Variants in CD36 observed in about 807,000 individuals in gnomAD.
CD36 encodes the protein CD36 molecule (CD36 blood group), also known as platelet glycoprotein 4.
CD36 carries 119 observed loss-of-function variants against 55.2 expected under a neutral mutation model. The ratio of observed to expected loss-of-function variants is 2.15; its 90% confidence interval spans 1.86 to 2.51. CD36 has a LOEUF of 2.51. Ranked by LOEUF, CD36 falls within the 30% of genes most tolerant of loss-of-function variation. CD36 has a pLI of 0.00. For synonymous variants in CD36, 186 were observed against 193.6 expected (o/e 0.96, Z 0.33); for missense variants, 819 against 555.5 (o/e 1.47, Z -4.77).
At chr7:80,623,573 C>T (rs1328635112) in intron 1 of CD36, among the ~76,000 whole-genome samples, 1 of 151,740 alleles carries the variant, frequency 6.6e-6, no homozygotes, top group Non-Finnish European at 1.5e-5. Context: ...ATATTGTACC[C>T]ATCAAATATT....
At chr7:80,654,441 G>A (rs1470241859) in intron 3 of CD36, among the ~76,000 whole-genome samples, 1 of 152,122 alleles carries the variant, frequency 6.6e-6, no homozygotes, top group Non-Finnish European at 1.5e-5. Context: ...ATAGTGTGAG[G>A]AGAATAATGT....
At position 80,667,751 on chromosome 7, in the gene CD36, T is replaced by TTTTTG. The variant is rs1554344756; in HGVS notation, c.748+1266_748+1267insGTTTT. Among the ~76,000 whole-genome samples the TTTTTG allele has an allele frequency of 4.3e-3, 475 of 109,354 alleles. 19 individuals carry two copies. In the East Asian group the frequency reaches 0.09, roughly 21 times the overall value. 71.7% of individuals were successfully genotyped at this position (109,354 alleles called of 152,430 possible). The stretch of plus-strand genomic sequence containing the variant: ...GATTTGCAGGGGTTTTCTTTTGTTT[T>TTTTTG]TTTTTTTTTTTTTTTTTGAGACATA... On this transcript the variant is annotated intron_variant, in intron 8 of 14. Transcript: ENST00000447544.
chr7:80,621,151 C>T (rs1793449018), intron 1 of CD36, among the ~76,000 whole-genome samples: 1 of 151,704 alleles, frequency 6.6e-6, no homozygotes. Context: ...TAATTGTTAG[C>T]TTTTTTTTAG....
intron 7 of CD36, among the ~76,000 whole-genome samples, chr7:80,665,274 C>CTAAT (rs959988008): frequency 6.6e-6 from 1 of 151,438 alleles, no homozygotes; most frequent in African/African-American, 2.4e-5. Context: ...AGGAAGAACC[C>CTAAT]TAATAAATAT....
At chr7:80,654,152 T>A (rs1795834242) in intron 3 of CD36, among the ~76,000 whole-genome samples, 1 of 152,142 alleles carries the variant, frequency 6.6e-6, no homozygotes. Context: ...GAAAAAAAGG[T>A]CTCATACACG....
chr7:80,661,889 C>G (rs1796560167), intron 5 of CD36, among the ~76,000 whole-genome samples: 1 of 152,140 alleles, frequency 6.6e-6, no homozygotes, highest in South Asian at 2.1e-4. Context: ...ACTGAATAAA[C>G]AAAACTCTGC....
intron 3 of CD36, among the ~76,000 whole-genome samples, chr7:80,653,991 C>T (rs757781855): frequency 2.0e-4 from 30 of 152,104 alleles, no homozygotes; most frequent in Non-Finnish European, 4.3e-4. Context: ...TCTCTAGAAC[C>T]CATTTTCCAC....
intron 1 of CD36, among the ~76,000 whole-genome samples, chr7:80,613,980 A>G (rs567003469): frequency 2.0e-3 from 311 of 152,266 alleles, no homozygotes; most frequent in Non-Finnish European, 3.0e-3. Flanking sequence ...ACAGATAAAC[A>G]TTTATTATTT....
At position 80,665,369 on chromosome 7, in the gene CD36, C is replaced by T. The variant is rs989495374; in HGVS notation, c.701+872C>T. Among the ~76,000 whole-genome samples the T allele has an allele frequency of 4.3e-5, 5 of 116,440 alleles. No homozygotes were observed. In the East Asian group the frequency reaches 9.7e-4, roughly 23 times the overall value. 76.4% of individuals were successfully genotyped at this position (116,440 alleles called of 152,430 possible). ...CTGAAAAAGAATAAAGTGATCAAAA[C>T]CAAAAGAGATGAAATGTTTTTATTA... is the stretch of plus-strand genomic sequence containing the variant. On this transcript the variant is annotated intron_variant, in intron 7 of 14. Coordinates refer to ENST00000447544, the MANE Select transcript of CD36 (RefSeq NM_001001548.3).
intron 1 of CD36, chr7:80,640,046 T>C (rs1794704961): frequency 6.6e-6 from 1 of 152,026 alleles, no homozygotes; most frequent in Non-Finnish European, 1.5e-5. Context: ...ACCCTGCATG[T>C]GTGTGTATTT....
chr7:80,674,171 G>A, intron 14 of CD36, 24 bp downstream of exon 14: 2 of 1,528,196 alleles, frequency 1.3e-6, no homozygotes, highest in South Asian at 1.1e-5. Flanking sequence ...AAAAAATATT[G>A]CTTCAATAAT....
chr7:80,663,801 A>ATGAC (rs1796752530), intron 6 of CD36, among the ~76,000 whole-genome samples: 1 of 152,162 alleles, frequency 6.6e-6, no homozygotes, highest in Non-Finnish European at 1.5e-5. Context: ...AAGTTGGACT[A>ATGAC]TGACTTCATT....
chr7:80,675,166 CA>C (rs762471792), intron 14 of CD36, among the ~76,000 whole-genome samples: 15 of 152,244 alleles, frequency 9.9e-5, no homozygotes, highest in Non-Finnish European at 2.2e-4. Flanking sequence ...AATAATTCTG[CA>C]TCCAAACTAT....
Position 80,677,944 on chromosome 7 carries a change from GTTTCA to G in CD36, c.*1566_*1570del, listed in dbSNP as rs1351779497. 10 of 152,004 alleles carry G rather than the reference GTTTCA, an allele frequency of 6.6e-5. No individual in the cohort carries two copies. The highest frequency in any genetic ancestry group is 1.3e-4 in the Non-Finnish European group (9 of 68,010). 9.4% of individuals were successfully genotyped at this position (152,004 alleles called of 1,614,324 possible). A position where few individuals can be genotyped will look rare whatever the true frequency, so the allele number is the denominator to read the frequency against. The stretch of plus-strand genomic sequence containing the variant: ...TGTATAATCTTTATCATTCCTCAGT[GTTTCA>G]TTTCTCAAATTCTGTAAAAGGAATA... On this transcript the variant is annotated 3_prime_UTR_variant, in exon 15 of 15. Transcript: ENST00000447544.
chr7:80,618,739 G>C (rs986493822), intron 1 of CD36, among the ~76,000 whole-genome samples: 1 of 152,194 alleles, frequency 6.6e-6, no homozygotes, highest in Non-Finnish European at 1.5e-5. Context: ...AAGAGGTGAG[G>C]AAGCTGCAGA....
chr7:80,655,912 T>C (rs1796011106), intron 3 of CD36, among the ~76,000 whole-genome samples: 1 of 147,638 alleles, frequency 6.8e-6, no homozygotes, highest in Non-Finnish European at 1.5e-5. Flanking sequence ...CAGAGCAATA[T>C]CTTGTCTCAA....
At chr7:80,612,424 T>C (rs1297549334) in intron 1 of CD36, among the ~76,000 whole-genome samples, 2 of 152,232 alleles carry the variant, frequency 1.3e-5, no homozygotes, top group Non-Finnish European at 2.9e-5. Context: ...TTGGCATATA[T>C]AAAATACAAT....
At chr7:80,635,009 G>A (rs964641599), upstream of CD36, among the ~76,000 whole-genome samples, 4 of 151,894 alleles carry the variant, frequency 2.6e-5, no homozygotes, top group Non-Finnish European at 5.9e-5. Flanking sequence ...AAGGGACAAA[G>A]CAATTTATGG....
upstream of CD36, among the ~76,000 whole-genome samples, chr7:80,637,784 G>A (rs1794528125): frequency 6.6e-6 from 1 of 151,966 alleles, no homozygotes; most frequent in Non-Finnish European, 1.5e-5. Context: ...TACATGCCAG[G>A]TTAACCCTGT....
Sources: allele counts gnomAD v4.1 joint callset (sites outside exome capture counted in the v4.1 genomes callset), GRCh38; gene constraint gnomAD v4.1.1; transcripts MANE v1.5; gene names NCBI Gene and HGNC (gene_info 2026-07-23, HGNC 2026-07-21).